MTMR12: variants seen among roughly 807,000 people sequenced by gnomAD.
MTMR12 encodes the protein myotubularin related protein 12, also known as myotubularin-related protein 12.
A neutral mutation model predicts 96.7 loss-of-function variants in MTMR12; 33 were observed. The ratio of observed to expected loss-of-function variants is 0.34; its 90% confidence interval spans 0.26 to 0.46. The LOEUF (loss-of-function observed/expected upper bound fraction) is 0.46. Ranked by LOEUF, MTMR12 falls within the 20% of genes least tolerant of loss-of-function variation. MTMR12 has a pLI of 1.00. For synonymous variants in MTMR12, 298 were observed against 327.2 expected (o/e 0.91, Z 0.96); for missense variants, 721 against 896.1 (o/e 0.80, Z 2.49).
rs145450610 is a variant in MTMR12 at position 32,309,947 on chromosome 5, G to C, written c.81+2811C>G. On this transcript the variant is annotated intron_variant, in intron 1 of 15. Transcript: ENST00000382142. ...ATACAACCACTGTGGAGAACAGTAC[G>C]GAGGTTCCTCAAAAACTAAAAATAG... 7.1e-4 allele frequency among the ~76,000 whole-genome samples: 108 copies of C among 152,290 alleles called. 1 individual carries two copies. Among genetic ancestry groups the C allele is most frequent in the African/African-American group, 2.2e-3 (93 of 41,550 alleles).
chr5:32,292,333 C>A (rs958276665), intron 1 of MTMR12, among the ~76,000 whole-genome samples: 2 of 152,170 alleles, frequency 1.3e-5, no homozygotes, highest in African/African-American at 2.4e-5. Flanking sequence ...CTCACCATCA[C>A]CCCTAGTGAT....
chr5:32,240,405 A>G (rs1227543689), intron 12 of MTMR12, among the ~76,000 whole-genome samples: 2 of 151,918 alleles, frequency 1.3e-5, no homozygotes, highest in Non-Finnish European at 2.9e-5. Context: ...TCTCAAAAAA[A>G]AAAAAAAAAA....
intron 2 of MTMR12, among the ~76,000 whole-genome samples, chr5:32,275,643 G>A (rs1750022132): frequency 6.6e-6 from 1 of 152,148 alleles, no homozygotes; most frequent in African/African-American, 2.4e-5. Flanking sequence ...GTGAAACTAG[G>A]CTCAGAGAAG....
chr5:32,272,830 A>G (rs1305250477), intron 3 of MTMR12, among the ~76,000 whole-genome samples: 1 of 152,170 alleles, frequency 6.6e-6, no homozygotes, highest in Non-Finnish European at 1.5e-5. Context: ...CAGCTTCAGG[A>G]AGAACAAGAG....
At chr5:32,247,081 G>T (rs368523148) in intron 10 of MTMR12, among the ~76,000 whole-genome samples, 1 of 152,094 alleles carries the variant, frequency 6.6e-6, no homozygotes. Context: ...TCCAGGCAGC[G>T]GCTCATGCCT....
intron 1 of MTMR12, among the ~76,000 whole-genome samples, chr5:32,277,839 A>G (rs189024123): frequency 6.6e-6 from 1 of 152,236 alleles, no homozygotes; most frequent in Admixed American, 6.5e-5. Flanking sequence ...CCCAAAGGTA[A>G]GAATAGGAAA....
Position 32,293,436 on chromosome 5 carries a change from T to A in MTMR12, c.82-16694A>T, listed in dbSNP as rs191579676. Among the ~76,000 whole-genome samples, 44 of 152,312 alleles carry A rather than the reference T, an allele frequency of 2.9e-4. 1 individual carries two copies. The highest frequency in any genetic ancestry group is 1.1e-3 in the African/African-American group (44 of 41,554). On this transcript the variant is annotated intron_variant, in intron 1 of 15. Transcript: ENST00000382142. ...GCTGGATGCTTCGTGCCCTGAAACA[T>A]CAGACGCCAAGTTCTTCAGTTTTGA...
In MTMR12 at chr5:32,270,830, T is replaced by C; in HGVS notation, c.476A>G (p.Glu159Gly). 1 of 1,610,534 alleles carries C rather than the reference T, an allele frequency of 6.2e-7. No homozygotes were observed. The highest frequency in any genetic ancestry group is 8.5e-7 in the Non-Finnish European group (1 of 1,178,884). Residue 159 changes from glutamate to glycine, a missense_variant, in exon 5 of 16, where the codon GAG becomes GGG. Coordinates refer to ENST00000382142, the MANE Select transcript of MTMR12 (RefSeq NM_001040446.3). ...FQFCLRYTKE[E>G]EVKRIVSGII... ...GCAACTAGTTACCCTTTTGACTTCC[T>C]CTTCCTTTGTGTACCTCAGACAAAA...
intron 10 of MTMR12, among the ~76,000 whole-genome samples, chr5:32,244,459 C>T (rs1034747078): frequency 1.1e-4 from 17 of 152,092 alleles, no homozygotes; most frequent in African/African-American, 4.1e-4. Flanking sequence ...GGGGTGGTGG[C>T]CCATGCCTGT....
chr5:32,233,496 A>AGG lies in MTMR12; in HGVS notation c.1674+276_1674+277insCC, dbSNP rs1405224210. 2.6e-5 allele frequency among the ~76,000 whole-genome samples: 4 copies of AGG among 151,802 alleles called. No individual in the cohort carries two copies. The highest frequency in any genetic ancestry group is 2.6e-4 in the Admixed American group (4 of 15,254). ...CAAACACACACACACACACACACACACAGGCAGGACAAGAGGCACGATTCC... is the reference window on the plus strand; with the variant it reads ...CAAACACACACACACACACACACACAGGCAGGCAGGACAAGAGGCACGATTCC... On this transcript the variant is annotated intron_variant, in intron 15 of 15. Coordinates refer to ENST00000382142, the MANE Select transcript of MTMR12 (RefSeq NM_001040446.3). This position sits in a 1 kb window ranked among gnomAD's most constrained non-coding sequence, Gnocchi z 5.0.
intron 1 of MTMR12, among the ~76,000 whole-genome samples, chr5:32,277,542 T>C (rs1353935952): frequency 6.6e-6 from 1 of 151,848 alleles, no homozygotes; most frequent in Non-Finnish European, 1.5e-5. Flanking sequence ...CTACTAAAAA[T>C]ACAAAAATTA....
intron 15 of MTMR12, among the ~76,000 whole-genome samples, 190 bp from the exon 16 acceptor site, chr5:32,230,537 G>C (rs1747955515): frequency 6.6e-6 from 1 of 152,180 alleles, no homozygotes; most frequent in African/African-American, 2.4e-5. Flanking sequence ...TTGCCATGGT[G>C]CACACTGTAC....
chr5:32,235,166 G>A (rs368927108), intron 13 of MTMR12, 37 bp from the exon 14 acceptor site: 9 of 1,583,984 alleles, frequency 5.7e-6, no homozygotes, highest in African/African-American at 2.7e-5. Flanking sequence ...GGTGGGCAGA[G>A]CCCAGAGCAA....
Position 32,230,346 on chromosome 5 carries a change from T to C in MTMR12, c.1676A>G (p.His559Arg). 2 of 1,597,978 alleles carry C rather than the reference T, an allele frequency of 1.3e-6. No homozygotes were observed. The highest frequency in any genetic ancestry group is 1.7e-6 in the Non-Finnish European group (2 of 1,173,852). ...KGQRKGMRFK[H>R]QRQLSLPLTQ... ...AAGTGGCAAAGAAAGTTGTCGTTGA[T>C]GCTTTGAGAGAAAACACAAATAAAA... Residue 559 changes from histidine (H) to arginine (R), a missense_variant and splice_region_variant, in exon 16 of 16, where the codon CAT becomes CGT. Physicochemically the swap from His to Arg is conservative, Grantham distance 29. Coordinates refer to ENST00000382142, the MANE Select transcript of MTMR12 (RefSeq NM_001040446.3).
At chr5:32,239,944 A>G (rs1396403884) in intron 12 of MTMR12, among the ~76,000 whole-genome samples, 1 of 152,166 alleles carries the variant, frequency 6.6e-6, no homozygotes, top group Non-Finnish European at 1.5e-5. Flanking sequence ...AAAGAACCAC[A>G]TATCTTTATC....
chr5:32,267,377 G>GAAAAAAAAAAAAA (rs751223074), intron 6 of MTMR12, among the ~76,000 whole-genome samples: 37 of 89,918 alleles, frequency 4.1e-4, no homozygotes, highest in African/African-American at 1.5e-3. Flanking sequence ...CTCCATCTCA[G>GAAAAAAAAAAAAA]AAAAAAAAAA....
At chr5:32,308,159 T>C (rs1310852043) in intron 1 of MTMR12, among the ~76,000 whole-genome samples, 1 of 151,912 alleles carries the variant, frequency 6.6e-6, no homozygotes, top group Non-Finnish European at 1.5e-5. Context: ...CCATCTCTAC[T>C]AAAAATACAA....
At position 32,311,016 on chromosome 5, in the gene MTMR12, G is replaced by T. The variant is rs528645090; in HGVS notation, c.81+1742C>A. Among the ~76,000 whole-genome samples, 275 of 152,016 alleles carry T rather than the reference G, an allele frequency of 1.8e-3. 1 individual carries two copies. The highest frequency in any genetic ancestry group is 6.4e-3 in the African/African-American group (264 of 41,436). ...AGCCTCCCAAGTAGCTGGGATTACAGGTGCGCACCACCATGCCTGGCTAAT... is the reference window on the plus strand; with the variant it reads ...AGCCTCCCAAGTAGCTGGGATTACATGTGCGCACCACCATGCCTGGCTAAT... On this transcript the variant is annotated intron_variant, in intron 1 of 15. Transcript: ENST00000382142.
chr5:32,263,468 C>T (rs75313921), intron 6 of MTMR12, among the ~76,000 whole-genome samples: 6,949 of 146,114 alleles, frequency 0.048, 300 homozygotes, highest in African/African-American at 0.11. Flanking sequence ...TCTTGCTCTA[C>T]TGCCCCTGCT....
Sources: allele counts gnomAD v4.1 joint callset (sites outside exome capture counted in the v4.1 genomes callset), GRCh38; gene constraint gnomAD v4.1.1; non-coding constraint Gnocchi (gnomAD v3.1); transcripts MANE v1.5; gene names NCBI Gene and HGNC (gene_info 2026-07-23, HGNC 2026-07-21).